ARHGEF10L: variants seen among roughly 807,000 people sequenced by gnomAD.
The protein encoded by ARHGEF10L is rho guanine nucleotide exchange factor 10-like protein.
In ARHGEF10L, 69 loss-of-function variants were observed where a neutral mutation model predicts 141.2. The observed-to-expected ratio is 0.49, with a 90% CI of 0.40 to 0.60. ARHGEF10L has a LOEUF of 0.60. ARHGEF10L is among the 20% of genes least tolerant of loss of function. The pLI is 0.00. For missense variants in ARHGEF10L, 1,482 were observed against 1,734.3 expected, an observed-to-expected ratio of 0.85 and a Z score of 2.58; for synonymous variants, 711 against 718.5, an observed-to-expected ratio of 0.99 and a Z score of 0.17.
intron 26 of ARHGEF10L, among the ~76,000 whole-genome samples, chr1:17,681,769 A>G (rs1335709513): frequency 6.6e-6 from 1 of 152,168 alleles, no homozygotes; most frequent in Non-Finnish European, 1.5e-5. Context: ...GTGATTACTC[A>G]GTCACCTTTG....
At position 17,654,527 on chromosome 1, in the gene ARHGEF10L, A is replaced by G; in HGVS notation, c.2395-109A>G. The G allele has an allele frequency of 5.2e-6, 5 of 959,328 alleles. No homozygotes were observed. Among genetic ancestry groups the G allele is most frequent in the Non-Finnish European group, 8.5e-6 (5 of 586,868 alleles). 59.4% of individuals were successfully genotyped at this position (959,328 alleles called of 1,614,324 possible). A position where few individuals can be genotyped will look rare whatever the true frequency, so the allele number is the denominator to read the frequency against. On this transcript the variant is annotated intron_variant, in intron 22 of 28. Transcript: ENST00000361221. This position sits in a 1 kb window ranked among gnomAD's most constrained non-coding sequence, Gnocchi z 4.3. The stretch of plus-strand genomic sequence containing the variant: ...CATGTTGCTTTCCTGGCCCCCACCC[A>G]CAGGGATTCTAATCCAGGGAGAGTT...
intron 26 of ARHGEF10L, among the ~76,000 whole-genome samples, chr1:17,668,743 G>A (rs1040839096): frequency 1.3e-5 from 2 of 152,194 alleles, no homozygotes; most frequent in East Asian, 1.9e-4. Flanking sequence ...TGCGCGGTGC[G>A]GGCAGCTTGC....
chr1:17,666,320 C>A (rs1486207135), intron 26 of ARHGEF10L, among the ~76,000 whole-genome samples: 1 of 152,232 alleles, frequency 6.6e-6, no homozygotes, highest in African/African-American at 2.4e-5. Context: ...AATTGATCAG[C>A]AGCTCTTCCT....
chr1:17,606,128 C>T (rs1471164128), intron 6 of ARHGEF10L, among the ~76,000 whole-genome samples: 2 of 152,256 alleles, frequency 1.3e-5, no homozygotes, highest in South Asian at 2.1e-4. Flanking sequence ...TGCTCTCAGC[C>T]GAGTGCGTGC....
intron 1 of ARHGEF10L, among the ~76,000 whole-genome samples, chr1:17,559,422 G>A (rs2077463841): frequency 6.6e-6 from 1 of 152,126 alleles, no homozygotes; most frequent in African/African-American, 2.4e-5. Flanking sequence ...CCCTACCTCT[G>A]ACTGATTGTA....
At chr1:17,606,395 G>C (rs2081175073) in intron 6 of ARHGEF10L, among the ~76,000 whole-genome samples, 1 of 151,732 alleles carries the variant, frequency 6.6e-6, no homozygotes, top group South Asian at 2.1e-4. Flanking sequence ...CCGGGTTCAA[G>C]CAATTCTCCT....
At chr1:17,617,616 C>T (rs2059877617) in intron 9 of ARHGEF10L, among the ~76,000 whole-genome samples, 1 of 152,258 alleles carries the variant, frequency 6.6e-6, no homozygotes, top group Non-Finnish European at 1.5e-5. Context: ...TGTCTGCTGC[C>T]TGCCCTCGGC....
Position 17,542,070 on chromosome 1 carries a change from C to T in ARHGEF10L, c.-44+2120C>T, listed in dbSNP as rs192821504. Among the ~76,000 whole-genome samples the T allele has an allele frequency of 6.6e-5, 10 of 151,486 alleles. No individual in the cohort carries two copies. The East Asian group carries it at 9.7e-4, about 15-fold the overall frequency. On this transcript the variant is annotated intron_variant, in intron 1 of 28. Transcript: ENST00000361221. ...GGGAGGGTCGCTTGAACCCGGGAGG[C>T]GGAGGTTACAGTGAACCAAGATTGT...
At chr1:17,539,507 C>T (rs1309052691), upstream of ARHGEF10L, among the ~76,000 whole-genome samples, 2 of 151,966 alleles carry the variant, frequency 1.3e-5, no homozygotes, top group Non-Finnish European at 2.9e-5. This position sits in a 1 kb window ranked among gnomAD's most constrained non-coding sequence, Gnocchi z 6.0. Flanking sequence ...CCTCAGTTTC[C>T]CCCCTGTACT....
At chr1:17,668,993 C>G (rs944968943) in intron 26 of ARHGEF10L, among the ~76,000 whole-genome samples, 5 of 152,160 alleles carry the variant, frequency 3.3e-5, no homozygotes, top group African/African-American at 4.8e-5. Context: ...CGCCTGGAGC[C>G]GGGGCTGCTG....
chr1:17,540,129 G>C lies in ARHGEF10L; in HGVS notation c.-44+179G>C, dbSNP rs569244214. 2.0e-5 allele frequency among the ~76,000 whole-genome samples: 3 copies of C among 152,216 alleles called. No individual in the cohort carries two copies. The South Asian group carries it at 6.2e-4, about 32-fold the overall frequency. ...CTGTGTCTGGGTGTGAGAGCCCCGAGCCCGCGTCTCCCCTCTGTGTGGGTC... is the reference window on the plus strand; with the variant it reads ...CTGTGTCTGGGTGTGAGAGCCCCGACCCCGCGTCTCCCCTCTGTGTGGGTC... On this transcript the variant is annotated intron_variant, in intron 1 of 28. Transcript: ENST00000361221.
chr1:17,582,334 A>T (rs1009768307), intron 2 of ARHGEF10L, among the ~76,000 whole-genome samples: 14 of 152,176 alleles, frequency 9.2e-5, no homozygotes, highest in African/African-American at 2.7e-4. Flanking sequence ...GACTAAGTCA[A>T]TTCTGTTCTG....
intron 9 of ARHGEF10L, chr1:17,618,251 C>T (rs934501526): frequency 1.8e-5 from 24 of 1,353,696 alleles, no homozygotes; most frequent in Non-Finnish European, 2.1e-5. Flanking sequence ...GGGCTCTCCT[C>T]AGCCCTCCCC....
At chr1:17,517,851 G>A in the ARHGEF10L span, among the ~76,000 whole-genome samples, 3 of 152,030 alleles carry the variant, frequency 2.0e-5, no homozygotes, top group African/African-American at 7.2e-5. Flanking sequence ...TAGTAGAGAC[G>A]GGGTTTCACC....
intron 1 of ARHGEF10L, among the ~76,000 whole-genome samples, chr1:17,540,703 C>T (rs2076694021): frequency 6.6e-6 from 1 of 152,172 alleles, no homozygotes; most frequent in Non-Finnish European, 1.5e-5. Context: ...CCAGGAGGCC[C>T]TGCGTTGCAT....
At position 17,697,430 on chromosome 1, in the gene ARHGEF10L, A is replaced by G; in HGVS notation, c.*50A>G. The G allele has an allele frequency of 6.5e-7, 1 of 1,534,930 alleles. No individual in the cohort carries two copies. The highest frequency in any genetic ancestry group is 8.8e-7 in the Non-Finnish European group (1 of 1,139,434). ...CACAGCTGCAGGCCTGACCAAGGCC[A>G]CGCCCGGCTCTCGTGCTCTAGGACC... On this transcript the variant is annotated 3_prime_UTR_variant, in exon 29 of 29. Coordinates refer to ENST00000361221, the MANE Select transcript of ARHGEF10L (RefSeq NM_018125.4). The surrounding 1 kb of genome is among the most constrained non-coding windows in gnomAD (Gnocchi z 4.8).
At chr1:17,590,927 T>TA (rs1428962489) in intron 4 of ARHGEF10L, among the ~76,000 whole-genome samples, 1 of 152,118 alleles carries the variant, frequency 6.6e-6, no homozygotes, top group Non-Finnish European at 1.5e-5. Flanking sequence ...GTGGAGGTTG[T>TA]AGTGAGGCGA....
At chr1:17,546,671 G>A (rs899529854) in intron 1 of ARHGEF10L, among the ~76,000 whole-genome samples, 5 of 152,144 alleles carry the variant, frequency 3.3e-5, no homozygotes, top group Non-Finnish European at 7.3e-5. Context: ...AGCACACTTT[G>A]CCTTTCTTAG....
the ARHGEF10L span, among the ~76,000 whole-genome samples, chr1:17,533,952 CTT>C: frequency 1.2e-4 from 18 of 151,836 alleles, 1 homozygote; most frequent in Admixed American, 2.6e-4. Flanking sequence ...CATCCACCCA[CTT>C]TCTTCTTCTT....
Sources: allele counts gnomAD v4.1 joint callset (sites outside exome capture counted in the v4.1 genomes callset), GRCh38; gene constraint gnomAD v4.1.1; non-coding constraint Gnocchi (gnomAD v3.1); transcripts MANE v1.5; gene names NCBI Gene and HGNC (gene_info 2026-07-23, HGNC 2026-07-21).